The following NT5DC1 variants were observed in gnomAD, a reference collection of about 807,000 sequenced individuals.
NT5DC1 encodes 5'-nucleotidase domain containing 1.
Under a neutral mutation model 59.4 loss-of-function variants are expected in NT5DC1, and 42 were observed. The observed-to-expected ratio is 0.71, with a 90% CI of 0.55 to 0.92. The LOEUF is 0.92. Among genes scored for constraint, NT5DC1 ranks in the 40% least tolerant of loss-of-function variants. NT5DC1 has a pLI of 0.00. For missense variants in NT5DC1, 501 were observed against 537.1 expected (o/e 0.93, Z 0.66); for synonymous variants, 172 against 188.1 (o/e 0.91, Z 0.70).
At chr6:116,204,288 T>C (rs914897919) in intron 6 of NT5DC1, among the ~76,000 whole-genome samples, 2 of 151,970 alleles carry the variant, frequency 1.3e-5, no homozygotes, top group South Asian at 4.1e-4. Context: ...AACAAATTGC[T>C]TTTTGGTAAT....
At chr6:116,115,485 T>C (rs1021556027) in intron 4 of NT5DC1, among the ~76,000 whole-genome samples, 1 of 152,254 alleles carries the variant, frequency 6.6e-6, no homozygotes, top group East Asian at 1.9e-4. Flanking sequence ...CTTCTAGATA[T>C]CATCTTTTAA....
At chr6:116,148,004 G>A (rs1359557417) in intron 6 of NT5DC1, among the ~76,000 whole-genome samples, 1 of 151,824 alleles carries the variant, frequency 6.6e-6, no homozygotes, top group Non-Finnish European at 1.5e-5. Flanking sequence ...AAAGGTGGGG[G>A]GGGTTGGAGG....
intron 8 of NT5DC1, among the ~76,000 whole-genome samples, chr6:116,225,070 T>A (rs1459763365): frequency 6.6e-6 from 1 of 152,064 alleles, no homozygotes; most frequent in African/African-American, 2.4e-5. Context: ...AACTTCCAGG[T>A]GGTTGATTTT....
intron 6 of NT5DC1, among the ~76,000 whole-genome samples, chr6:116,165,363 A>G (rs1363256015): frequency 6.6e-6 from 1 of 152,160 alleles, no homozygotes; most frequent in East Asian, 1.9e-4. Context: ...GATTTCTTCC[A>G]CATGGATTTC....
chr6:116,120,253 T>G (rs1779071926), intron 6 of NT5DC1: 1 of 1,614,080 alleles, frequency 6.2e-7, no homozygotes, highest in Admixed American at 1.7e-5. Context: ...AGGTGTACAT[T>G]ACAGGGGTGC....
chr6:116,213,370 T>A (rs1218651230), intron 6 of NT5DC1, among the ~76,000 whole-genome samples: 1 of 152,070 alleles, frequency 6.6e-6, no homozygotes, highest in Non-Finnish European at 1.5e-5. Context: ...CCTCACAGCA[T>A]CTCAGGTAGC....
intron 6 of NT5DC1, chr6:116,137,543 T>G (rs1779641697): frequency 4.7e-6 from 1 of 213,804 alleles, no homozygotes; most frequent in South Asian, 8.6e-5. Context: ...CCTCAAACAT[T>G]ACATGGGTCT....
In NT5DC1 at chr6:116,186,642, T is replaced by G. The variant is rs78295674; in HGVS notation, c.530-34412T>G. ...GAAAGCCTTGTCTTCGAGCTCTGACTTTTTCTTCTACTTGTTCGATTCTGT... is the reference window on the plus strand; with the variant it reads ...GAAAGCCTTGTCTTCGAGCTCTGACGTTTTCTTCTACTTGTTCGATTCTGT... On this transcript the variant is annotated intron_variant, in intron 6 of 11. Coordinates refer to ENST00000319550, the MANE Select transcript of NT5DC1 (RefSeq NM_152729.3). 5.7e-3 allele frequency among the ~76,000 whole-genome samples: 862 copies of G among 152,196 alleles called. 17 individuals carry two copies. The highest frequency in any genetic ancestry group is 0.046 in the South Asian group (222 of 4,826).
At chr6:116,102,436 A>G (rs140272939) in intron 1 of NT5DC1, among the ~76,000 whole-genome samples, 110 of 152,200 alleles carry the variant, frequency 7.2e-4, no homozygotes, top group African/African-American at 2.6e-3. Context: ...TTCTTTGGCC[A>G]CTGCTTCCCC....
intron 6 of NT5DC1, among the ~76,000 whole-genome samples, chr6:116,161,815 G>A (rs1254841329): frequency 6.6e-6 from 1 of 152,048 alleles, no homozygotes; most frequent in Non-Finnish European, 1.5e-5. Context: ...AGATTGCTTT[G>A]GGCAGTATAG....
chr6:116,150,389 A>G (rs771666797), intron 6 of NT5DC1, among the ~76,000 whole-genome samples: 44 of 152,172 alleles, frequency 2.9e-4, no homozygotes, highest in African/African-American at 4.6e-4. Flanking sequence ...GGTTCAAGCA[A>G]TTCTCCTGCC....
chr6:116,119,724 TA>T (rs1371344861), intron 6 of NT5DC1: 1 of 197,984 alleles, frequency 5.1e-6, no homozygotes, highest in Non-Finnish European at 1.0e-5. Context: ...AAATTTCACA[TA>T]ACTTAGAGCT....
intron 8 of NT5DC1, among the ~76,000 whole-genome samples, chr6:116,232,750 T>C (rs1209262296): frequency 6.6e-6 from 1 of 152,184 alleles, no homozygotes; most frequent in African/African-American, 2.4e-5. Flanking sequence ...TTGTAACTAT[T>C]ATACTGTCAA....
intron 7 of NT5DC1, 143 bp from the exon 8 acceptor site, chr6:116,222,891 G>T (rs1781835559): frequency 3.5e-6 from 2 of 565,980 alleles, no homozygotes; most frequent in Non-Finnish European, 6.3e-6. Flanking sequence ...CTTAAAGTGT[G>T]TGAGAAAAAT....
intron 8 of NT5DC1, among the ~76,000 whole-genome samples, chr6:116,226,409 C>G (rs927182131): frequency 1.3e-5 from 2 of 151,290 alleles, no homozygotes; most frequent in Admixed American, 1.3e-4. Flanking sequence ...AAAAATATAC[C>G]AAGTTTTTTT....
At chr6:116,117,774 G>A (rs1385302871) in intron 5 of NT5DC1, 87 bp from the exon 6 acceptor site, 4 of 717,538 alleles carry the variant, frequency 5.6e-6, no homozygotes, top group Non-Finnish European at 9.8e-6. Flanking sequence ...GTCAGGGACT[G>A]TCTGCATTGT....
rs774396983 is a variant in NT5DC1 at position 116,121,214 on chromosome 6, G to C, written c.529+3269G>C. 3.2e-5 allele frequency: 51 copies of C among 1,613,530 alleles called. No homozygotes were observed. Among genetic ancestry groups the C allele is most frequent in the South Asian group, 7.7e-5 (7 of 91,066 alleles). ...TTCTCCCTTCAGGCCTGGCAAGCCT[G>C]GTTTCCCAAAGCCAGGAGGCCCTGG... On this transcript the variant is annotated intron_variant, in intron 6 of 11. Coordinates refer to ENST00000319550, the MANE Select transcript of NT5DC1 (RefSeq NM_152729.3).
At chr6:116,183,063 A>G (rs535937426) in intron 6 of NT5DC1, among the ~76,000 whole-genome samples, 2 of 152,172 alleles carry the variant, frequency 1.3e-5, no homozygotes, top group Non-Finnish European at 2.9e-5. Flanking sequence ...AAGATGAGAG[A>G]TGAGGATCCA....
chr6:116,130,139 C>T (rs1378491224), intron 6 of NT5DC1, among the ~76,000 whole-genome samples: 1 of 152,014 alleles, frequency 6.6e-6, no homozygotes, highest in Non-Finnish European at 1.5e-5. Context: ...CTAGGATATT[C>T]TCTATAAAGA....
Sources: allele counts gnomAD v4.1 joint callset (sites outside exome capture counted in the v4.1 genomes callset), GRCh38; gene constraint gnomAD v4.1.1; transcripts MANE v1.5; gene names NCBI Gene and HGNC (gene_info 2026-07-23, HGNC 2026-07-21).